The following USP24 variants were observed in gnomAD, a reference collection of about 807,000 sequenced individuals.
USP24 encodes the protein ubiquitin carboxyl-terminal hydrolase 24.
A neutral mutation model predicts 361.6 loss-of-function variants in USP24; 97 were observed. The ratio of observed to expected loss-of-function variants is 0.27; its 90% CI spans 0.23 to 0.32. USP24 has a LOEUF of 0.32. Among genes scored for constraint, USP24 ranks in the 10% least tolerant of loss-of-function variants. USP24 has a pLI of 1.00. For missense variants in USP24, 2,353 were observed against 3,165.6 expected (o/e 0.74, Z 6.16); for synonymous variants, 1,098 against 1,124.6 (o/e 0.98, Z 0.47).
chr1:55,083,935 C>T (rs1645200860), intron 56 of USP24, 47 bp from the exon 57 acceptor site: 1 of 1,401,004 alleles, frequency 7.1e-7, no homozygotes. Flanking sequence ...GAACGTAAGA[C>T]AGACATTTAT....
At chr1:55,073,059 A>G (rs1644952782) in intron 64 of USP24, 198 bp from the exon 65 acceptor site, 1 of 575,324 alleles carries the variant, frequency 1.7e-6, no homozygotes, top group Non-Finnish European at 3.1e-6. Context: ...GGGGGAAGGG[A>G]GGAATAGGGA....
chr1:55,098,710 G>A (rs1323994499), intron 45 of USP24, among the ~76,000 whole-genome samples, 152 bp from the exon 46 acceptor site: 2 of 152,122 alleles, frequency 1.3e-5, no homozygotes, highest in East Asian at 3.8e-4. Flanking sequence ...CCCATTATTG[G>A]CCCCACTGTC....
At chr1:55,077,206 A>C in intron 62 of USP24, 29 bp downstream of exon 62, 1 of 1,464,178 alleles carries the variant, frequency 6.8e-7, no homozygotes, top group Non-Finnish European at 9.1e-7. Flanking sequence ...ATTCCTAAAT[A>C]AAAGTGAGTC....
intron 26 of USP24, 63 bp from the exon 27 acceptor site, chr1:55,137,967 G>A (rs1244817887): frequency 1.6e-5 from 23 of 1,467,796 alleles, no homozygotes; most frequent in Non-Finnish European, 2.0e-5. Flanking sequence ...AAACAACTGT[G>A]AGTGAACATC....
intron 1 of USP24, 22 bp downstream of exon 1, chr1:55,214,768 G>A: frequency 8.2e-7 from 1 of 1,217,952 alleles, no homozygotes; most frequent in Non-Finnish European, 1.0e-6. Flanking sequence ...TCCCACAGAG[G>A]TCTGGGGTTG....
intron 38 of USP24, among the ~76,000 whole-genome samples, chr1:55,117,280 CACT>C (rs1263287425): frequency 6.6e-6 from 1 of 152,184 alleles, no homozygotes; most frequent in Non-Finnish European, 1.5e-5. Context: ...CAAGGATGCC[CACT>C]TTTACCACTT....
At chr1:55,194,417 C>T (rs1200615305) in intron 1 of USP24, among the ~76,000 whole-genome samples, 1 of 152,024 alleles carries the variant, frequency 6.6e-6, no homozygotes, top group Non-Finnish European at 1.5e-5. Context: ...ATCACAGGGC[C>T]AGCTACAACA....
intron 39 of USP24, among the ~76,000 whole-genome samples, chr1:55,109,798 C>G (rs907300851): frequency 1.3e-5 from 2 of 152,192 alleles, no homozygotes; most frequent in Non-Finnish European, 2.9e-5. Flanking sequence ...ACAACTAACA[C>G]TAATGAACTG....
At chr1:55,206,153 ACT>A (rs1644697066) in intron 1 of USP24, among the ~76,000 whole-genome samples, 1 of 152,208 alleles carries the variant, frequency 6.6e-6, no homozygotes, top group Non-Finnish European at 1.5e-5. Flanking sequence ...GCATCCAACC[ACT>A]GAGTCATCTC....
At chr1:55,156,899 G>A (rs772752021) in intron 12 of USP24, 49 bp downstream of exon 12, 2 of 1,373,982 alleles carry the variant, frequency 1.5e-6, no homozygotes, top group African/African-American at 1.4e-5. Flanking sequence ...TCGCTCTCCT[G>A]TAGTCCAAAA....
In USP24 at chr1:55,134,102, C is replaced by A; in HGVS notation, c.3349G>T (p.Ala1117Ser). Residue 1117 changes from alanine (A) to serine (S), a missense_variant, in exon 30 of 68, where the codon GCC becomes TCC. Ala to Ser is a moderately conservative substitution (Grantham distance 99, BLOSUM62 1). Transcript: ENST00000294383. ...LIPTDPAIQE[A>S]LDQLDSLGRK... ...CCTAAAGAATCAAGTTGATCAAGGGCTTCCTGAATGGCTGGATCAGTGGGT... is the reference window on the plus strand; with the variant it reads ...CCTAAAGAATCAAGTTGATCAAGGGATTCCTGAATGGCTGGATCAGTGGGT... 1 of 1,613,738 alleles carries A rather than the reference C, an allele frequency of 6.2e-7. No individual in the cohort carries two copies. Among genetic ancestry groups the A allele is most frequent in the East Asian group, 2.2e-5 (1 of 44,864 alleles).
chr1:55,100,115 G>C (rs915887364), intron 44 of USP24, among the ~76,000 whole-genome samples: 2 of 152,174 alleles, frequency 1.3e-5, no homozygotes, highest in Non-Finnish European at 2.9e-5. Context: ...ATGGAACAGA[G>C]AATTTCTCTC....
chr1:55,122,078 T>C (rs1646298824), intron 36 of USP24, among the ~76,000 whole-genome samples: 1 of 152,168 alleles, frequency 6.6e-6, no homozygotes, highest in African/African-American at 2.4e-5. Flanking sequence ...AAAGTCTCTG[T>C]CCTCATGGAG....
In USP24 at chr1:55,107,334, C is replaced by T; in HGVS notation, c.4667G>A (p.Cys1556Tyr). 1 of 1,613,946 alleles carries T rather than the reference C, an allele frequency of 6.2e-7. No homozygotes were observed. The highest frequency in any genetic ancestry group is 8.5e-7 in the Non-Finnish European group (1 of 1,179,872). The change falls in exon 40 of 68, where the codon TGT (cysteine) becomes TAT (tyrosine). Residue 1556 changes from cysteine to tyrosine, a missense_variant. Coordinates refer to ENST00000294383, the MANE Select transcript of USP24 (RefSeq NM_015306.3). ...DNFEPNRTAE[C>Y]ETSEADNILL... The stretch of plus-strand genomic sequence containing the variant: ...GATGTTGTCCGCTTCACTGGTCTCA[C>T]ATTCAGCTGTACGATTAGGTTCAAA...
intron 1 of USP24, among the ~76,000 whole-genome samples, chr1:55,202,063 C>A (rs1644590249): frequency 2.0e-5 from 3 of 152,174 alleles, no homozygotes; most frequent in Admixed American, 6.5e-5. Context: ...GGCAAGGAGT[C>A]ATAAGAGGAT....
chr1:55,170,383 G>A (rs1192527649), intron 5 of USP24, among the ~76,000 whole-genome samples: 3 of 152,144 alleles, frequency 2.0e-5, no homozygotes, highest in Admixed American at 6.5e-5. Context: ...GCGCTCACTA[G>A]AGTGAACCAC....
At chr1:55,139,458 C>T (rs572496044) in intron 24 of USP24, among the ~76,000 whole-genome samples, 47 of 152,232 alleles carry the variant, frequency 3.1e-4, no homozygotes, top group Admixed American at 2.6e-4. Context: ...TCAGTAAGTA[C>T]GACACAAACA....
In USP24 at chr1:55,125,461, G is replaced by A. The variant is rs1646400799; in HGVS notation, c.3819C>T (p.Phe1273=). 6.2e-7 allele frequency: 1 copy of A among 1,613,888 alleles called. No homozygotes were observed. Among genetic ancestry groups the A allele is most frequent in the Admixed American group, 1.7e-5 (1 of 60,004 alleles). ...DGIEALSSRP[F]RNVSRQTSRQ... ...TGCTTGTCTGCCGGCTGACATTTCG[G>A]AATGGGCGGGAAGAAAGTGCTTCTA... The change falls in exon 34 of 68, where the codon TTC becomes TTT. Residue 1273 remains phenylalanine, a synonymous_variant. Transcript: ENST00000294383.
At chr1:55,156,303 T>C (rs1328666040) in intron 12 of USP24, among the ~76,000 whole-genome samples, 1 of 151,854 alleles carries the variant, frequency 6.6e-6, no homozygotes, top group Admixed American at 6.6e-5. Context: ...AGCATACAAA[T>C]GTAGTCAAAG....
Sources: allele counts gnomAD v4.1 joint callset (sites outside exome capture counted in the v4.1 genomes callset), GRCh38; gene constraint gnomAD v4.1.1; transcripts MANE v1.5; gene names NCBI Gene and HGNC (gene_info 2026-07-23, HGNC 2026-07-21).